The following PIGU variants were observed in gnomAD, a reference collection of about 807,000 sequenced individuals.
PIGU encodes GPI-anchor transamidase component PIGU.
PIGU carries 24 observed loss-of-function variants against 49.9 expected under a neutral mutation model. The ratio of observed to expected loss-of-function variants is 0.48; its 90% CI spans 0.35 to 0.68. PIGU has a LOEUF of 0.68. PIGU is among the 30% of genes least tolerant of loss of function. The pLI is 0.01. For missense variants in PIGU, 490 were observed against 532.6 expected, an observed-to-expected ratio of 0.92 and a Z score of 0.79; for synonymous variants, 220 against 205.7, an observed-to-expected ratio of 1.07 and a Z score of -0.59.
In PIGU at chr20:34,655,402, T is replaced by C. The variant is rs1321976405; in HGVS notation, c.195+1778A>G. On this transcript the variant is annotated intron_variant, in intron 2 of 11. Coordinates refer to ENST00000217446, the MANE Select transcript of PIGU (RefSeq NM_080476.5). ...GAACGGAAAGGGCAGTGGGACGCGG[T>C]GGCTCACGCCTGTAATCCCAGCACT... is the stretch of plus-strand genomic sequence containing the variant. 2.1e-4 allele frequency among the ~76,000 whole-genome samples: 26 copies of C among 122,074 alleles called. 7 individuals are homozygous for C. The highest frequency in any genetic ancestry group is 7.2e-4 in the African/African-American group (24 of 33,178). 80.1% of individuals were successfully genotyped at this position (122,074 alleles called of 152,430 possible).
At chr20:34,570,372 G>T (rs1982953668) in intron 11 of PIGU, among the ~76,000 whole-genome samples, 1 of 152,040 alleles carries the variant, frequency 6.6e-6, no homozygotes, top group African/African-American at 2.4e-5. Context: ...ATCACGTGGG[G>T]CCAGCCCCTA....
At chr20:34,600,826 G>A (rs1984386939) in intron 7 of PIGU, among the ~76,000 whole-genome samples, 1 of 152,114 alleles carries the variant, frequency 6.6e-6, no homozygotes. Flanking sequence ...CCTGAGGTTG[G>A]GAGTTCGAGA....
chr20:34,645,458 T>C, intron 2 of PIGU, 124 bp from the exon 3 acceptor site: 5 of 1,262,156 alleles, frequency 4.0e-6, no homozygotes, highest in Non-Finnish European at 5.2e-6. Context: ...TTCTCCTTCC[T>C]GGAATACTGT....
intron 7 of PIGU, among the ~76,000 whole-genome samples, chr20:34,608,135 T>C (rs1461227758): frequency 1.3e-5 from 2 of 148,220 alleles, no homozygotes; most frequent in Non-Finnish European, 3.0e-5. Flanking sequence ...AGTGCAGTGG[T>C]GCGATCTCGG....
intron 11 of PIGU, among the ~76,000 whole-genome samples, chr20:34,565,105 C>T (rs143703167): frequency 3.9e-5 from 6 of 152,230 alleles, no homozygotes; most frequent in Non-Finnish European, 2.9e-5. Context: ...TTTGCCCAGT[C>T]TGGACAGGGG....
intron 2 of PIGU, among the ~76,000 whole-genome samples, chr20:34,649,374 T>C (rs1335247052): frequency 6.6e-6 from 1 of 151,846 alleles, no homozygotes; most frequent in Non-Finnish European, 1.5e-5. Flanking sequence ...TTTTACTAAG[T>C]TTCAGATCTC....
At chr20:34,577,374 C>T (rs1983278362) in intron 10 of PIGU, among the ~76,000 whole-genome samples, 1 of 152,116 alleles carries the variant, frequency 6.6e-6, no homozygotes, top group African/African-American at 2.4e-5. Flanking sequence ...GGGGCTCATG[C>T]ATTGCAAGGG....
At chr20:34,562,107 G>A (rs1213314034) in intron 11 of PIGU, among the ~76,000 whole-genome samples, 2 of 152,178 alleles carry the variant, frequency 1.3e-5, no homozygotes, top group East Asian at 3.9e-4. Context: ...TCTTCAAGGA[G>A]GCCCAGAAAG....
At chr20:34,675,537 C>G (rs1987472113) in intron 1 of PIGU, among the ~76,000 whole-genome samples, 1 of 152,176 alleles carries the variant, frequency 6.6e-6, no homozygotes, top group Non-Finnish European at 1.5e-5. Context: ...AAATTAACTT[C>G]TCTAAATTTC....
rs566578651 is a variant in PIGU at position 34,645,719 on chromosome 20, C to T, written c.196-385G>A. 1.3e-3 allele frequency among the ~76,000 whole-genome samples: 201 copies of T among 152,018 alleles called. 5 individuals carry two copies. In the South Asian group the frequency reaches 0.017, roughly 13 times the overall value. Reference sequence around the variant, plus strand: ...GACCATCCTGGCTAACACGGTAAAACCCCCGTCTCTACTAAAAATACAAAA... The same window carrying T: ...GACCATCCTGGCTAACACGGTAAAATCCCCGTCTCTACTAAAAATACAAAA... On this transcript the variant is annotated intron_variant, in intron 2 of 11. Coordinates refer to ENST00000217446, the MANE Select transcript of PIGU (RefSeq NM_080476.5).
At chr20:34,621,515 G>A (rs1157117564) in intron 6 of PIGU, among the ~76,000 whole-genome samples, 9 of 152,172 alleles carry the variant, frequency 5.9e-5, no homozygotes. Flanking sequence ...AGGTTGGTGT[G>A]TGGGAAGTCT....
chr20:34,646,441 C>T (rs1411869926), intron 2 of PIGU, among the ~76,000 whole-genome samples: 1 of 152,194 alleles, frequency 6.6e-6, no homozygotes, highest in African/African-American at 2.4e-5. Context: ...TGGAGTCTCG[C>T]TCTGTCACCC....
intron 7 of PIGU, among the ~76,000 whole-genome samples, chr20:34,594,111 A>T (rs180871219): frequency 6.1e-4 from 89 of 145,366 alleles, no homozygotes; most frequent in African/African-American, 2.3e-3. Flanking sequence ...CAGGAGGTTG[A>T]GGCTTCAGTG....
At chr20:34,665,052 C>T (rs1987042034) in intron 1 of PIGU, among the ~76,000 whole-genome samples, 1 of 151,994 alleles carries the variant, frequency 6.6e-6, no homozygotes, top group African/African-American at 2.4e-5. Context: ...TTGAGACAGT[C>T]TCACACTCTG....
rs563739949 is a variant in PIGU at position 34,640,361 on chromosome 20, T to C, written c.319-2376A>G. ...TCAGCAGCACAGGCACTATTATGGC[T>C]CTCCTCATAGGCCCAATATCAGCTC... On this transcript the variant is annotated intron_variant, in intron 4 of 11. Coordinates refer to ENST00000217446, the MANE Select transcript of PIGU (RefSeq NM_080476.5). Among the ~76,000 whole-genome samples, 10 of 152,238 alleles carry C rather than the reference T, an allele frequency of 6.6e-5. No homozygotes were observed. In the East Asian group the frequency reaches 1.9e-3, roughly 29 times the overall value.
chr20:34,571,804 C>T (rs979278627), intron 11 of PIGU, among the ~76,000 whole-genome samples: 1 of 152,168 alleles, frequency 6.6e-6, no homozygotes, highest in Non-Finnish European at 1.5e-5. Context: ...CCCAACAGGT[C>T]CAAAGGCAAG....
chr20:34,584,728 C>T (rs1983630059), intron 9 of PIGU, among the ~76,000 whole-genome samples: 1 of 151,666 alleles, frequency 6.6e-6, no homozygotes, highest in Admixed American at 6.6e-5. Context: ...TGCTCTGTCG[C>T]CCAGGCTGGA....
At chr20:34,622,175 T>C (rs957215926) in intron 6 of PIGU, among the ~76,000 whole-genome samples, 4 of 152,184 alleles carry the variant, frequency 2.6e-5, no homozygotes, top group Non-Finnish European at 4.4e-5. Flanking sequence ...CACGTATCTG[T>C]ACACTAATGA....
At chr20:34,658,163 T>C (rs1013505503) in intron 1 of PIGU, among the ~76,000 whole-genome samples, 20 of 152,240 alleles carry the variant, frequency 1.3e-4, no homozygotes, top group Non-Finnish European at 2.8e-4. Flanking sequence ...TGACTGGTTT[T>C]CGTATTTTTT....
Sources: gnomAD v4.1 joint callset for allele counts (sites outside exome capture counted in the v4.1 genomes callset) on GRCh38, gnomAD v4.1.1 for gene constraint, MANE v1.5 for transcripts, NCBI Gene and HGNC (gene_info 2026-07-23, HGNC 2026-07-21) for gene names.